Variants in SHISA9 observed in about 807,000 individuals in gnomAD.
The protein encoded by SHISA9 is protein shisa-9.
A neutral mutation model predicts 38.0 loss-of-function variants in SHISA9; 13 were observed. The ratio of observed to expected loss-of-function variants is 0.34; its 90% CI spans 0.22 to 0.54. The LOEUF (loss-of-function observed/expected upper bound fraction) is 0.54, where lower values mean the gene tolerates loss of function less well. Ranked by LOEUF, SHISA9 falls within the 20% of genes least tolerant of loss-of-function variation. SHISA9 has a pLI of 0.91. For missense variants in SHISA9, 538 were observed against 575.8 expected, an observed-to-expected ratio of 0.93 and a Z score of 0.67; for synonymous variants, 275 against 242.0, an observed-to-expected ratio of 1.14 and a Z score of -1.27.
At chr16:13,210,956 G>C (rs1024204401) in intron 3 of SHISA9, among the ~76,000 whole-genome samples, 1 of 152,172 alleles carries the variant, frequency 6.6e-6, no homozygotes, top group Non-Finnish European at 1.5e-5. Context: ...CTGCTCTTCT[G>C]GGGGAAGGAG....
chr16:12,982,888 C>T (rs1036892350), intron 2 of SHISA9, among the ~76,000 whole-genome samples: 1 of 152,198 alleles, frequency 6.6e-6, no homozygotes, highest in African/African-American at 2.4e-5. Context: ...CTTACTCACA[C>T]GCTCGCTTCT....
At chr16:12,907,194 G>A (rs1466294779) in intron 1 of SHISA9, among the ~76,000 whole-genome samples, 2 of 81,204 alleles carry the variant, frequency 2.5e-5, no homozygotes, top group Admixed American at 3.6e-4. Context: ...CCCTCCCTCC[G>A]TCCCTCCCTC....
chr16:13,107,961 T>C (rs2073943038), intron 2 of SHISA9, among the ~76,000 whole-genome samples: 1 of 152,170 alleles, frequency 6.6e-6, no homozygotes, highest in Admixed American at 6.5e-5. Context: ...GTTTGATTTA[T>C]TTTTAAAGGG....
At chr16:13,011,950 C>T (rs951815014) in intron 2 of SHISA9, among the ~76,000 whole-genome samples, 7 of 152,054 alleles carry the variant, frequency 4.6e-5, no homozygotes, top group Non-Finnish European at 1.0e-4. Context: ...CTCAGCCTCC[C>T]GAGTAGCTGG....
chr16:13,362,562 G>C, the SHISA9 span, among the ~76,000 whole-genome samples: 42 of 152,312 alleles, frequency 2.8e-4, no homozygotes, highest in Non-Finnish European at 4.4e-4. Flanking sequence ...GCAGGGAGTG[G>C]AGAAGAGGAT....
At chr16:13,017,978 A>G (rs1244403388) in intron 2 of SHISA9, among the ~76,000 whole-genome samples, 3 of 152,200 alleles carry the variant, frequency 2.0e-5, no homozygotes, top group Admixed American at 6.5e-5. Flanking sequence ...ATTTTTGGCT[A>G]CTTAAAAGAG....
At chr16:13,291,456 A>G in the SHISA9 span, among the ~76,000 whole-genome samples, 4 of 152,316 alleles carry the variant, frequency 2.6e-5, no homozygotes, top group African/African-American at 7.2e-5. Flanking sequence ...CCCCACAGAA[A>G]CAGCAAAATA....
intron 2 of SHISA9, among the ~76,000 whole-genome samples, chr16:13,066,224 C>T (rs2073433390): frequency 6.6e-6 from 1 of 152,222 alleles, no homozygotes; most frequent in South Asian, 2.1e-4. Flanking sequence ...GTGGAAATAT[C>T]TCTTTCCTTA....
intron 2 of SHISA9, among the ~76,000 whole-genome samples, chr16:13,019,764 T>TTTTCTTTCTTTCTTTCTTTCTTTC (rs548980425): frequency 2.6e-5 from 2 of 77,958 alleles, no homozygotes; most frequent in Non-Finnish European, 5.0e-5. Context: ...CTTTTCTTTC[T>TTTTCTTTCTTTCTTTCTTTCTTTC]TTTCTTTCTT....
At chr16:13,186,200 A>G (rs2050820308) in intron 2 of SHISA9, among the ~76,000 whole-genome samples, 1 of 151,514 alleles carries the variant, frequency 6.6e-6, no homozygotes, top group Non-Finnish European at 1.5e-5. Flanking sequence ...AATAAAGGAC[A>G]TGTATGTGAA....
chr16:13,186,587 G>A (rs1016932124), intron 2 of SHISA9, among the ~76,000 whole-genome samples: 5 of 151,980 alleles, frequency 3.3e-5, no homozygotes, highest in African/African-American at 9.7e-5. Flanking sequence ...TGAAGCCACC[G>A]TGCCCAGCCA....
At chr16:13,070,162 G>C (rs1259744971) in intron 2 of SHISA9, among the ~76,000 whole-genome samples, 1 of 151,004 alleles carries the variant, frequency 6.6e-6, no homozygotes, top group Non-Finnish European at 1.5e-5. Context: ...GTGCACGCAT[G>C]TGTCTGTGGA....
chr16:12,970,929 G>T (rs2072072975), intron 2 of SHISA9, among the ~76,000 whole-genome samples: 1 of 152,096 alleles, frequency 6.6e-6, no homozygotes, highest in Non-Finnish European at 1.5e-5. Flanking sequence ...CTCGAACAGT[G>T]TCTGATACAT....
At chr16:12,950,914 AT>A (rs955071205) in intron 2 of SHISA9, among the ~76,000 whole-genome samples, 228 of 135,588 alleles carry the variant, frequency 1.7e-3, no homozygotes, top group South Asian at 1.9e-3. Flanking sequence ...GGCCCTTTTA[AT>A]TTTTTTTTTT....
At chr16:13,163,102 G>T (rs1480550442) in intron 2 of SHISA9, among the ~76,000 whole-genome samples, 3 of 152,108 alleles carry the variant, frequency 2.0e-5, no homozygotes, top group Non-Finnish European at 4.4e-5. Context: ...AGTGACCTTG[G>T]ACAAGTCACT....
At chr16:12,979,803 T>G (rs993622654) in intron 2 of SHISA9, among the ~76,000 whole-genome samples, 5 of 152,246 alleles carry the variant, frequency 3.3e-5, no homozygotes, top group Non-Finnish European at 7.3e-5. Context: ...CATCCTTGTT[T>G]TCTTCTCAAA....
chr16:12,916,674 C>A lies in SHISA9; in HGVS notation c.564-14C>A. 1 of 1,546,766 alleles carries A rather than the reference C, an allele frequency of 6.5e-7. No homozygotes were observed. Among genetic ancestry groups the A allele is most frequent in the South Asian group, 1.2e-5 (1 of 83,278 alleles). On this transcript the variant is annotated splice_polypyrimidine_tract_variant and intron_variant, in intron 1 of 4. Transcript: ENST00000558583. Reference sequence around the variant, plus strand: ...TGTTTTGAATGAACAGATTTAAATTCTTTCTTCTTTCAGGGCCCTTGCGGA... The same window carrying A: ...TGTTTTGAATGAACAGATTTAAATTATTTCTTCTTTCAGGGCCCTTGCGGA...
the SHISA9 span, among the ~76,000 whole-genome samples, chr16:13,357,761 C>A: frequency 7.3e-6 from 1 of 136,234 alleles, no homozygotes; most frequent in Non-Finnish European, 1.6e-5. Flanking sequence ...TGTTCTCTGG[C>A]GGGTAGGAGT....
the SHISA9 span, among the ~76,000 whole-genome samples, chr16:13,522,014 C>T: frequency 1.1e-4 from 17 of 152,270 alleles, no homozygotes; most frequent in South Asian, 3.3e-3. Context: ...GGTCCAGAAA[C>T]GGAACTCTAA....
Sources: allele counts gnomAD v4.1 joint callset (sites outside exome capture counted in the v4.1 genomes callset), GRCh38; gene constraint gnomAD v4.1.1; transcripts MANE v1.5; gene names NCBI Gene and HGNC (gene_info 2026-07-23, HGNC 2026-07-21).